Variants in PRRC2B observed in about 807,000 individuals in gnomAD.
The protein encoded by PRRC2B is protein PRRC2B.
A neutral mutation model predicts 242.3 loss-of-function variants in PRRC2B; 68 were observed. The ratio of observed to expected loss-of-function variants is 0.28; its 90% CI spans 0.23 to 0.34. The LOEUF (loss-of-function observed/expected upper bound fraction) is 0.34, where lower values mean the gene tolerates loss of function less well. PRRC2B is among the 10% of genes least tolerant of loss of function. The pLI, the probability that PRRC2B is intolerant of heterozygous loss-of-function variation, is 1.00. For missense variants in PRRC2B, 2,835 were observed against 2,954.8 expected (o/e 0.96, Z 0.94); for synonymous variants, 1,228 against 1,173.6 (o/e 1.05, Z -0.95).
At chr9:131,410,449 G>A (rs1046274612) in intron 1 of PRRC2B, among the ~76,000 whole-genome samples, 1 of 152,188 alleles carries the variant, frequency 6.6e-6, no homozygotes, top group Non-Finnish European at 1.5e-5. Context: ...GGCAGGTGGG[G>A]CCATTCTCTG....
chr9:131,469,266 G>A (rs1943476249), intron 13 of PRRC2B, among the ~76,000 whole-genome samples: 1 of 152,182 alleles, frequency 6.6e-6, no homozygotes, highest in Non-Finnish European at 1.5e-5. Flanking sequence ...CCCAGGAGGT[G>A]GAGGTTGCAG....
At chr9:131,394,962 T>G (rs1316127262) in intron 1 of PRRC2B, among the ~76,000 whole-genome samples, 4 of 114,454 alleles carry the variant, frequency 3.5e-5, no homozygotes, top group African/African-American at 1.9e-4. Flanking sequence ...CAGATGGGGT[T>G]TTTTTTTTTT....
chr9:131,459,162 AG>A lies in PRRC2B; in HGVS notation c.1212del, dbSNP rs1943169068. ...CTTAACATCAAATGTGGTTTGTCCT[AG>A]GAACAGTTGGGACCCTAGGAGGCAG... On this transcript the variant is annotated splice_acceptor_variant, in intron 10 of 31. Transcript: ENST00000683519. LOFTEE classifies it high-confidence loss of function. 6.2e-7 allele frequency: 1 copy of A among 1,613,222 alleles called. No individual in the cohort carries two copies. Among genetic ancestry groups the A allele is most frequent in the Non-Finnish European group, 8.5e-7 (1 of 1,179,422 alleles).
intron 1 of PRRC2B, among the ~76,000 whole-genome samples, chr9:131,416,872 G>T (rs1837671111): frequency 6.6e-6 from 1 of 151,792 alleles, no homozygotes; most frequent in Admixed American, 6.6e-5. Flanking sequence ...ATTTTTTAAG[G>T]GGGAAAAAAA....
rs754661321 is a variant in PRRC2B at position 131,448,543 on chromosome 9, CAAAAAAAAAAAAAA to C, written c.1120+753_1120+766del. On this transcript the variant is annotated intron_variant, in intron 9 of 31. Coordinates refer to ENST00000683519, the MANE Select transcript of PRRC2B (RefSeq NM_013318.4). ...TGGGCGACAGAGGGAGACACTGTCT[CAAAAAAAAAAAAAA>C]AAAAAAAAAAAAAGGAAAGAGAAAG... Among the ~76,000 whole-genome samples, 13 of 39,894 alleles carry C rather than the reference CAAAAAAAAAAAAAA, an allele frequency of 3.3e-4. 1 individual carries two copies. In the South Asian group the frequency reaches 4.3e-3, roughly 13 times the overall value. The allele number at this position is 39,894 out of a possible 152,430, so 26.2% of individuals were successfully genotyped here. A position where few individuals can be genotyped will look rare whatever the true frequency, so the allele number is the denominator to read the frequency against.
Position 131,487,943 on chromosome 9 carries a change from G to C in PRRC2B, c.6072G>C (p.Ala2024=). 2 of 1,613,504 alleles carry C rather than the reference G, an allele frequency of 1.2e-6. No homozygotes were observed. The highest frequency in any genetic ancestry group is 8.5e-7 in the Non-Finnish European group (1 of 1,179,660). ...GGTALKPPYS[A]FPGMQPLEMV... The stretch of plus-strand genomic sequence containing the variant: ...CAGCCTTGAAGCCTCCATACTCGGC[G>C]TTCCCAGGCATGCAGCCCTTGGAGA... The change falls in exon 28 of 32, where the codon GCG becomes GCC. Residue 2024 remains alanine (A), a synonymous_variant. Coordinates refer to ENST00000683519, the MANE Select transcript of PRRC2B (RefSeq NM_013318.4). This position sits in a 1 kb window ranked among gnomAD's most constrained non-coding sequence, Gnocchi z 5.3.
chr9:131,407,967 G>A (rs979080436), intron 1 of PRRC2B, among the ~76,000 whole-genome samples: 1 of 152,190 alleles, frequency 6.6e-6, no homozygotes, highest in African/African-American at 2.4e-5. Flanking sequence ...TTTCCTCACC[G>A]GGGTAACGGG....
intron 1 of PRRC2B, among the ~76,000 whole-genome samples, chr9:131,416,968 ACTGT>A (rs771042426): frequency 1.6e-4 from 25 of 152,086 alleles, no homozygotes; most frequent in African/African-American, 2.7e-4. Context: ...GATCTCTGGC[ACTGT>A]CTGTTTCCTC....
intron 9 of PRRC2B, among the ~76,000 whole-genome samples, chr9:131,449,448 C>T (rs1483344069): frequency 6.6e-6 from 1 of 152,008 alleles, no homozygotes; most frequent in African/African-American, 2.4e-5. Context: ...CAGCCTTGAA[C>T]ATGTTTGTGT....
intron 1 of PRRC2B, among the ~76,000 whole-genome samples, chr9:131,404,167 A>C (rs78630316): frequency 6.6e-6 from 1 of 152,138 alleles, no homozygotes; most frequent in Non-Finnish European, 1.5e-5. Context: ...AGGTGTGTAA[A>C]AGAAGAAAAA....
intron 1 of PRRC2B, among the ~76,000 whole-genome samples, chr9:131,382,880 A>G (rs1273063865): frequency 6.6e-6 from 1 of 151,876 alleles, no homozygotes; most frequent in Non-Finnish European, 1.5e-5. Flanking sequence ...CCTGACCTCA[A>G]GTGATCCGCC....
intron 14 of PRRC2B, among the ~76,000 whole-genome samples, chr9:131,472,305 T>TGA (rs1943568546): frequency 6.6e-6 from 1 of 151,544 alleles, no homozygotes; most frequent in South Asian, 2.1e-4. Flanking sequence ...GGGATGATGA[T>TGA]TATTATTATT....
At chr9:131,402,191 A>T (rs1012860860) in intron 1 of PRRC2B, among the ~76,000 whole-genome samples, 1 of 152,156 alleles carries the variant, frequency 6.6e-6, no homozygotes, top group Non-Finnish European at 1.5e-5. Flanking sequence ...CCTGAGCTCA[A>T]GCGATTTGCC....
At chr9:131,399,844 ATTGACTCC>A (rs1837182073) in intron 1 of PRRC2B, among the ~76,000 whole-genome samples, 6 of 152,266 alleles carry the variant, frequency 3.9e-5, no homozygotes, top group Admixed American at 2.0e-4. Flanking sequence ...GCCATAATTT[ATTGACTCC>A]TGTATTCGTA....
chr9:131,450,808 G>T (rs568229258), intron 9 of PRRC2B, among the ~76,000 whole-genome samples: 2 of 151,778 alleles, frequency 1.3e-5, no homozygotes, highest in Non-Finnish European at 2.9e-5. Flanking sequence ...GGCTGATCTC[G>T]AACTCCTGAC....
chr9:131,478,394 C>T, intron 17 of PRRC2B, 80 bp from the exon 18 acceptor site: 1 of 1,367,304 alleles, frequency 7.3e-7, no homozygotes, highest in Non-Finnish European at 1.0e-6. Flanking sequence ...GATGCTAGAT[C>T]TCAGGCGCCT....
intron 1 of PRRC2B, among the ~76,000 whole-genome samples, chr9:131,401,336 C>G (rs546686718): frequency 6.6e-6 from 1 of 151,996 alleles, no homozygotes; most frequent in South Asian, 2.1e-4. Flanking sequence ...GATGCCAACT[C>G]CCCTCCCCCA....
At position 131,495,951 on chromosome 9, in the gene PRRC2B, G is replaced by A. The variant is rs1944323718; in HGVS notation, c.*77G>A. On this transcript the variant is annotated 3_prime_UTR_variant, in exon 32 of 32. Transcript: ENST00000683519. ...CGGCCTCGACACAGCCGACACTCGG[G>A]AGCCTCACCAGATCCACCGTCCAAA... is the stretch of plus-strand genomic sequence containing the variant. 2 of 1,559,122 alleles carry A rather than the reference G, an allele frequency of 1.3e-6. No individual in the cohort carries two copies. Among genetic ancestry groups the A allele is most frequent in the Non-Finnish European group, 1.7e-6 (2 of 1,148,066 alleles).
rs775116250 is a variant in PRRC2B at position 131,436,665 on chromosome 9, G to A, written c.339G>A (p.Pro113=). 1 of 1,613,984 alleles carries A rather than the reference G, an allele frequency of 6.2e-7. No homozygotes were observed. The highest frequency in any genetic ancestry group is 1.7e-5 in the Admixed American group (1 of 60,020). Residue 113 remains proline (P), a synonymous_variant, in exon 4 of 32, where the codon CCG becomes CCA. Transcript: ENST00000683519. ...ASQPPESLPQ[P]GLQKSVSNLQ... is the part of the protein sequence containing the mutation. Reference sequence around the variant, plus strand: ...AGCCGCCGGAGTCGCTGCCGCAGCCGGGTTTGCAGAAATCTGTCTCCAATT... The same window carrying A: ...AGCCGCCGGAGTCGCTGCCGCAGCCAGGTTTGCAGAAATCTGTCTCCAATT...
Sources: allele counts gnomAD v4.1 joint callset (sites outside exome capture counted in the v4.1 genomes callset), GRCh38; gene constraint gnomAD v4.1.1; non-coding constraint Gnocchi (gnomAD v3.1); transcripts MANE v1.5; gene names NCBI Gene and HGNC (gene_info 2026-07-23, HGNC 2026-07-21).